Variants in RASSF5 observed in about 807,000 individuals in gnomAD.
RASSF5 encodes the protein ras association domain-containing protein 5.
In RASSF5, 25 loss-of-function variants were observed where a neutral mutation model predicts 40.5. The ratio of observed to expected loss-of-function variants is 0.62; its 90% CI spans 0.45 to 0.86. The LOEUF is 0.86. Among genes scored for constraint, RASSF5 ranks in the 40% least tolerant of loss-of-function variants. RASSF5 has a pLI of 0.00. For missense variants in RASSF5, 521 were observed against 572.8 expected, an observed-to-expected ratio of 0.91 and a Z score of 0.92; for synonymous variants, 246 against 252.4, an observed-to-expected ratio of 0.97 and a Z score of 0.24.
intron 1 of RASSF5, among the ~76,000 whole-genome samples, 189 bp downstream of exon 1, chr1:206,508,248 C>A (rs1341126777): frequency 1.3e-5 from 2 of 152,126 alleles, no homozygotes; most frequent in Non-Finnish European, 2.9e-5. Flanking sequence ...CCTTTAGTGC[C>A]TGCCCACTAC....
chr1:206,530,113 A>G (rs1380449562), intron 1 of RASSF5, among the ~76,000 whole-genome samples: 1 of 152,142 alleles, frequency 6.6e-6, no homozygotes, highest in Non-Finnish European at 1.5e-5. Context: ...TTCCATTAGT[A>G]AAGAATATAT....
intron 2 of RASSF5, among the ~76,000 whole-genome samples, chr1:206,576,777 C>T (rs934309345): frequency 6.6e-6 from 1 of 152,170 alleles, no homozygotes; most frequent in Admixed American, 6.5e-5. Flanking sequence ...GAGCAAACTA[C>T]TGCACATGGC....
At chr1:206,561,913 C>T (rs1373510463) in intron 2 of RASSF5, among the ~76,000 whole-genome samples, 2 of 151,894 alleles carry the variant, frequency 1.3e-5, no homozygotes, top group Non-Finnish European at 2.9e-5. Flanking sequence ...AGGTGAACCC[C>T]TACCTCGGCC....
chr1:206,561,485 C>T (rs1668140966), intron 2 of RASSF5, among the ~76,000 whole-genome samples: 1 of 152,068 alleles, frequency 6.6e-6, no homozygotes, highest in Non-Finnish European at 1.5e-5. Flanking sequence ...CAGGTAGTCC[C>T]TGTAATCTTA....
At chr1:206,551,623 CA>C (rs1469434899) in intron 2 of RASSF5, among the ~76,000 whole-genome samples, 2 of 152,182 alleles carry the variant, frequency 1.3e-5, no homozygotes, top group Non-Finnish European at 2.9e-5. Flanking sequence ...AAATGCTTCC[CA>C]AAAAGGAGGC....
At chr1:206,540,588 A>G (rs115678053) in intron 2 of RASSF5, among the ~76,000 whole-genome samples, 1,850 of 152,350 alleles carry the variant, frequency 0.012, 39 homozygotes, top group African/African-American at 0.042. Flanking sequence ...GCCTGCCTGC[A>G]TGCTTCAGCA....
At chr1:206,563,810 A>G (rs1296841898) in intron 2 of RASSF5, among the ~76,000 whole-genome samples, 1 of 152,224 alleles carries the variant, frequency 6.6e-6, no homozygotes, top group Non-Finnish European at 1.5e-5. Flanking sequence ...TGAAGTCTAG[A>G]GAGGGAAGAG....
intron 5 of RASSF5, 136 bp from the exon 6 acceptor site, chr1:206,586,690 C>A: frequency 1.4e-6 from 1 of 715,068 alleles, no homozygotes; most frequent in Non-Finnish European, 2.4e-6. Flanking sequence ...CTGATTCAGT[C>A]TGTTCAGTAG....
Position 206,552,361 on chromosome 1 carries a change from G to A in RASSF5, c.579+14068G>A, listed in dbSNP as rs1196252990. ...GTCAGATGGAAGGTGTGGGAGGTAT[G>A]GATGATATTGGGGAATATGTGTCAG... is the stretch of plus-strand genomic sequence containing the variant. On this transcript the variant is annotated intron_variant, in intron 2 of 5. Transcript: ENST00000579436. This position sits in a 1 kb window ranked among gnomAD's most constrained non-coding sequence, Gnocchi z 4.1. 6.6e-6 allele frequency among the ~76,000 whole-genome samples: 1 copy of A among 152,204 alleles called. No individual in the cohort carries two copies. Among genetic ancestry groups the A allele is most frequent in the Non-Finnish European group, 1.5e-5 (1 of 68,028 alleles).
chr1:206,514,701 G>A (rs986793051), intron 1 of RASSF5, among the ~76,000 whole-genome samples: 1 of 152,202 alleles, frequency 6.6e-6, no homozygotes, highest in Non-Finnish European at 1.5e-5. Context: ...AAAAAGAAGA[G>A]TGATGTTCTT....
chr1:206,575,790 G>A lies in RASSF5; in HGVS notation c.580-7479G>A, dbSNP rs11800172. 3.7e-3 allele frequency among the ~76,000 whole-genome samples: 571 copies of A among 152,326 alleles called. 5 individuals carry two copies. Among genetic ancestry groups the A allele is most frequent in the African/African-American group, 0.013 (537 of 41,556 alleles). On this transcript the variant is annotated intron_variant, in intron 2 of 5. Transcript: ENST00000579436. The stretch of plus-strand genomic sequence containing the variant: ...TGAGAGGGGAAGTAGCTCCCCAGAC[G>A]TCACAGGTCATTTGATGGTCTTGCA...
At position 206,560,913 on chromosome 1, in the gene RASSF5, C is replaced by T. The variant is rs1373711469; in HGVS notation, c.580-22356C>T. On this transcript the variant is annotated intron_variant, in intron 2 of 5. Transcript: ENST00000579436. This position sits in a 1 kb window ranked among gnomAD's most constrained non-coding sequence, Gnocchi z 5.1. The stretch of plus-strand genomic sequence containing the variant: ...TGTGAAGCCAGGCCAGGCCCTCTGT[C>T]CATCCCTCATATTTGTTCATTTTTT... 6.6e-6 allele frequency among the ~76,000 whole-genome samples: 1 copy of T among 152,162 alleles called. No homozygotes were observed. The highest frequency in any genetic ancestry group is 2.4e-5 in the African/African-American group (1 of 41,440).
rs1669048098 is a variant in RASSF5, at chr1:206,584,892, C to T, written c.988+208C>T. On this transcript the variant is annotated intron_variant, in intron 4 of 5. Coordinates refer to ENST00000579436, the MANE Select transcript of RASSF5 (RefSeq NM_182663.4). The surrounding 1 kb of genome is among the most constrained non-coding windows in gnomAD (Gnocchi z 4.9). ...ACTCTGCATGTGACTTCAGGAAAAC[C>T]ACACCCTAGGCTCCCATTTCCTGAT... 1.6e-6 allele frequency: 1 copy of T among 609,824 alleles called. No individual in the cohort carries two copies. Among genetic ancestry groups the T allele is most frequent in the Non-Finnish European group, 2.9e-6 (1 of 347,080 alleles). The allele number at this position is 609,824 out of a possible 1,614,324, so 37.8% of individuals were successfully genotyped here.
chr1:206,553,208 C>CA (rs1667892744), intron 2 of RASSF5, among the ~76,000 whole-genome samples: 3 of 151,732 alleles, frequency 2.0e-5, no homozygotes, highest in African/African-American at 7.2e-5. Context: ...TCAAAAAAAA[C>CA]AAAAAACAAG....
At chr1:206,524,732 A>G (rs1368132915) in intron 1 of RASSF5, among the ~76,000 whole-genome samples, 1 of 145,692 alleles carries the variant, frequency 6.9e-6, no homozygotes, top group Non-Finnish European at 1.5e-5. Flanking sequence ...GGGATGGGGC[A>G]GAAGAGATGG....
chr1:206,536,707 T>G (rs528787687), intron 1 of RASSF5, among the ~76,000 whole-genome samples: 1 of 152,316 alleles, frequency 6.6e-6, no homozygotes, highest in Admixed American at 6.5e-5. Context: ...TCGAGGTGCC[T>G]GAGCCCTTAT....
intron 2 of RASSF5, among the ~76,000 whole-genome samples, chr1:206,580,407 T>C (rs1572364927): frequency 6.6e-6 from 1 of 152,200 alleles, no homozygotes; most frequent in South Asian, 2.1e-4. Context: ...TGAGGAGCAA[T>C]AGCCTACATG....
intron 1 of RASSF5, among the ~76,000 whole-genome samples, chr1:206,514,002 G>A (rs782144246): frequency 6.6e-6 from 1 of 152,244 alleles, no homozygotes; most frequent in Non-Finnish European, 1.5e-5. Context: ...CTTGGGCAGA[G>A]CCTGGTAGAC....
chr1:206,530,879 G>C (rs1667223424), intron 1 of RASSF5, among the ~76,000 whole-genome samples: 1 of 152,248 alleles, frequency 6.6e-6, no homozygotes, highest in South Asian at 2.1e-4. Context: ...GCACCTCCAG[G>C]TGAAGGTCTG....
Sources: gnomAD v4.1 joint callset for allele counts (sites outside exome capture counted in the v4.1 genomes callset) on GRCh38, gnomAD v4.1.1 for gene constraint, Gnocchi (gnomAD v3.1) non-coding constraint, MANE v1.5 for transcripts, NCBI Gene and HGNC (gene_info 2026-07-23, HGNC 2026-07-21) for gene names.